Variants in WDFY3 observed in about 807,000 individuals in gnomAD.
WDFY3 encodes WD repeat and FYVE domain containing 3.
A neutral mutation model predicts 409.6 loss-of-function variants in WDFY3; 66 were observed. The observed-to-expected ratio is 0.16, with a 90% CI of 0.13 to 0.20. The LOEUF is 0.20. Among genes scored for constraint, WDFY3 ranks in the 10% least tolerant of loss-of-function variants. The pLI is 1.00. For missense variants in WDFY3, 3,031 were observed against 4,298.1 expected (o/e 0.71, Z 8.24); for synonymous variants, 1,521 against 1,537.1 (o/e 0.99, Z 0.25).
Position 84,696,196 on chromosome 4 carries a change from C to T in WDFY3, c.8689-14G>A, listed in dbSNP as rs1425870099. On this transcript the variant is annotated splice_polypyrimidine_tract_variant and intron_variant, in intron 57 of 67. Coordinates refer to ENST00000295888, the MANE Select transcript of WDFY3 (RefSeq NM_014991.6). ...ACACTCCAAAGCCTGTAATTTCAAACATAGGTTTAGTCACTGGCTGACTTC... is the reference window on the plus strand; with the variant it reads ...ACACTCCAAAGCCTGTAATTTCAAATATAGGTTTAGTCACTGGCTGACTTC... 1 of 1,613,204 alleles carries T rather than the reference C, an allele frequency of 6.2e-7. No homozygotes were observed. The highest frequency in any genetic ancestry group is 2.2e-5 in the East Asian group (1 of 44,870).
At chr4:84,880,674 CAT>C (rs61351182) in intron 3 of WDFY3, among the ~76,000 whole-genome samples, 666 of 50,078 alleles carry the variant, frequency 0.013, 2 homozygotes, top group Non-Finnish European at 0.015. Context: ...GGGAACCATA[CAT>C]ATATATATAT....
intron 2 of WDFY3, among the ~76,000 whole-genome samples, chr4:84,917,071 T>A (rs1768594846): frequency 6.6e-6 from 1 of 152,204 alleles, no homozygotes; most frequent in Admixed American, 6.5e-5. Context: ...GATGAATAGA[T>A]ATCTTTTTCG....
chr4:84,865,560 G>T (rs1037399873), intron 3 of WDFY3, among the ~76,000 whole-genome samples: 1 of 152,168 alleles, frequency 6.6e-6, no homozygotes, highest in Non-Finnish European at 1.5e-5. Flanking sequence ...ATCTTGTTAG[G>T]TCAGTTTAGC....
At chr4:84,710,772 G>A (rs1365092051) in intron 51 of WDFY3, among the ~76,000 whole-genome samples, 1 of 152,106 alleles carries the variant, frequency 6.6e-6, no homozygotes, top group Non-Finnish European at 1.5e-5. Context: ...CAAGAACAAA[G>A]AAATAGCAAG....
intron 2 of WDFY3, among the ~76,000 whole-genome samples, chr4:84,929,385 G>A (rs1395647695): frequency 3.3e-5 from 5 of 151,874 alleles, no homozygotes; most frequent in Non-Finnish European, 5.9e-5. Context: ...TCAGATTCCC[G>A]ATCAACAAAA....
intron 26 of WDFY3, 83 bp from the exon 27 acceptor site, chr4:84,778,738 C>A: frequency 1.5e-6 from 2 of 1,369,548 alleles, no homozygotes; most frequent in African/African-American, 2.9e-5. Flanking sequence ...CATACACACA[C>A]AAACACACAC....
At chr4:84,840,577 T>A (rs941304100) in intron 6 of WDFY3, among the ~76,000 whole-genome samples, 2 of 151,910 alleles carry the variant, frequency 1.3e-5, no homozygotes, top group African/African-American at 4.8e-5. Flanking sequence ...CTACAAATGG[T>A]ATCATTAAAA....
intron 2 of WDFY3, among the ~76,000 whole-genome samples, chr4:84,917,824 A>G (rs1161479756): frequency 6.6e-6 from 1 of 152,128 alleles, no homozygotes; most frequent in African/African-American, 2.4e-5. Context: ...ACAGATAAAG[A>G]AATAATATTC....
At chr4:84,885,648 AAC>A (rs1465032168) in intron 3 of WDFY3, among the ~76,000 whole-genome samples, 1 of 152,192 alleles carries the variant, frequency 6.6e-6, no homozygotes, top group Non-Finnish European at 1.5e-5. Context: ...AAGGCCATTA[AAC>A]ACAGAGGTGT....
At chr4:84,885,818 T>C (rs1764146325) in intron 3 of WDFY3, among the ~76,000 whole-genome samples, 1 of 152,206 alleles carries the variant, frequency 6.6e-6, no homozygotes, top group African/African-American at 2.4e-5. Flanking sequence ...GAAAATGAAC[T>C]GGATCTAAAG....
intron 1 of WDFY3, among the ~76,000 whole-genome samples, chr4:84,963,432 AAAAAAAAAAAGGTCAAG>A (rs1456669565): frequency 6.6e-6 from 1 of 151,712 alleles, no homozygotes; most frequent in Non-Finnish European, 1.5e-5. Context: ...CTCAAAAGAA[AAAAAAAAAAAGGTCAAG>A]AAAAAAAAAA....
At chr4:84,898,846 T>G (rs1682040872) in intron 2 of WDFY3, among the ~76,000 whole-genome samples, 1 of 152,170 alleles carries the variant, frequency 6.6e-6, no homozygotes, top group Admixed American at 6.5e-5. Context: ...CTAAGAAGAA[T>G]TCCAAGGATA....
At chr4:84,908,491 T>C (rs1288919508) in intron 2 of WDFY3, among the ~76,000 whole-genome samples, 5 of 152,104 alleles carry the variant, frequency 3.3e-5, no homozygotes, top group Non-Finnish European at 5.9e-5. Flanking sequence ...CCCCAACACA[T>C]TCTGAAAGTG....
At position 84,691,634 on chromosome 4, in the gene WDFY3, G is replaced by A. The variant is rs1338680597; in HGVS notation, c.9201C>T (p.Asp3067=). 11 of 1,613,304 alleles carry A rather than the reference G, an allele frequency of 6.8e-6. No individual in the cohort carries two copies. The South Asian group carries it at 1.1e-4, about 16-fold the overall frequency. Reference sequence around the variant, plus strand: ...GTAGGCAGGAAATAATGCAAACCTTGTCTGACTCATAGGTTCCCAGTCTGC... The same window carrying A: ...GTAGGCAGGAAATAATGCAAACCTTATCTGACTCATAGGTTCCCAGTCTGC... The part of the protein sequence containing the change: ...LSCRLGTYES[D]KAMTVYECLS... The change falls in exon 60 of 68, where the codon GAC becomes GAT. Residue 3067 remains aspartate (D), a synonymous_variant. Transcript: ENST00000295888.
At chr4:84,777,535 G>A (rs1187073657) in intron 27 of WDFY3, among the ~76,000 whole-genome samples, 1 of 152,072 alleles carries the variant, frequency 6.6e-6, no homozygotes, top group Admixed American at 6.6e-5. Flanking sequence ...TGCGGATGCT[G>A]AAAACTGAGT....
chr4:84,712,146 A>G (rs1733009925), intron 51 of WDFY3, among the ~76,000 whole-genome samples: 1 of 151,862 alleles, frequency 6.6e-6, no homozygotes, highest in Admixed American at 6.6e-5. Context: ...CAACATGGAG[A>G]AACCCCTTCT....
chr4:84,899,430 ATAAAC>A (rs1218795092), intron 2 of WDFY3, among the ~76,000 whole-genome samples: 1 of 152,186 alleles, frequency 6.6e-6, no homozygotes, highest in African/African-American at 2.4e-5. Context: ...TTTTAAGTCA[ATAAAC>A]TAAACGTTTG....
chr4:84,803,171 C>A, intron 16 of WDFY3, 119 bp downstream of exon 16: 1 of 1,115,556 alleles, frequency 9.0e-7, no homozygotes, highest in South Asian at 3.2e-5. Flanking sequence ...TTTTCCCCTT[C>A]AGCTACTTTA....
Position 84,821,115 on chromosome 4 carries a change from C to T in WDFY3, c.1560G>A (p.Leu520=). 1 of 1,612,866 alleles carries T rather than the reference C, an allele frequency of 6.2e-7. No individual in the cohort carries two copies. The highest frequency in any genetic ancestry group is 8.5e-7 in the Non-Finnish European group (1 of 1,179,460). ...CATTTAGTGCCTGAGTTGGATCCTTCAACAGGGCAGCATATTTATGCAAAA... is the reference window on the plus strand; with the variant it reads ...CATTTAGTGCCTGAGTTGGATCCTTTAACAGGGCAGCATATTTATGCAAAA... ...VNLLHKYAAL[L]KDPTQALNEQ... The change falls in exon 11 of 68, where the codon TTG becomes TTA. Residue 520 remains leucine, a synonymous_variant. Coordinates refer to ENST00000295888, the MANE Select transcript of WDFY3 (RefSeq NM_014991.6).
Sources: allele counts gnomAD v4.1 joint callset (sites outside exome capture counted in the v4.1 genomes callset), GRCh38; gene constraint gnomAD v4.1.1; transcripts MANE v1.5; gene names NCBI Gene and HGNC (gene_info 2026-07-23, HGNC 2026-07-21).